The following DPH6 variants were observed in gnomAD, a reference collection of about 807,000 sequenced individuals.
DPH6 encodes the protein diphthamine biosynthesis 6.
DPH6 carries 33 observed loss-of-function variants against 38.2 expected under a neutral mutation model. That is an observed-to-expected ratio of 0.86 (90% CI 0.65 to 1.15). The LOEUF is 1.15. Among genes scored for constraint, DPH6 ranks in the 50% most tolerant of loss-of-function variants. The pLI, the probability that DPH6 is intolerant of heterozygous loss-of-function variation, is 0.00. For missense variants in DPH6, 325 were observed against 320.0 expected (o/e 1.02, Z -0.12); for synonymous variants, 108 against 103.0 (o/e 1.05, Z -0.30).
At chr15:35,384,841 G>A (rs2052926447) in intron 6 of DPH6, among the ~76,000 whole-genome samples, 1 of 151,812 alleles carries the variant, frequency 6.6e-6, no homozygotes, top group Admixed American at 6.6e-5. Flanking sequence ...GCAACCTACA[G>A]AATGGGAGAA....
At chr15:35,455,610 AG>A (rs1386744685) in intron 3 of DPH6, among the ~76,000 whole-genome samples, 1 of 152,220 alleles carries the variant, frequency 6.6e-6, no homozygotes, top group African/African-American at 2.4e-5. Context: ...GACAGGTCCA[AG>A]GTGAGATTTA....
chr15:35,469,341 T>C (rs2054168375), intron 3 of DPH6, among the ~76,000 whole-genome samples: 1 of 152,220 alleles, frequency 6.6e-6, no homozygotes, highest in African/African-American at 2.4e-5. Context: ...GACATTGTTG[T>C]ATAGCTGAAC....
At chr15:35,427,272 T>C (rs2053581422) in intron 5 of DPH6, among the ~76,000 whole-genome samples, 1 of 151,892 alleles carries the variant, frequency 6.6e-6, no homozygotes, top group South Asian at 2.1e-4. Flanking sequence ...AGCAATCTCC[T>C]AGGAGGAAAT....
At chr15:35,504,449 C>G (rs2054667482) in intron 3 of DPH6, among the ~76,000 whole-genome samples, 1 of 151,824 alleles carries the variant, frequency 6.6e-6, no homozygotes, top group Non-Finnish European at 1.5e-5. Flanking sequence ...CCAGGTAAAA[C>G]TGATCTCTTT....
chr15:35,298,587 T>C, intron 3 of DPH6: 1 of 805,934 alleles, frequency 1.2e-6, no homozygotes, highest in East Asian at 2.4e-5. Flanking sequence ...TCTGACTTCT[T>C]GGATGCATCT....
intron 3 of DPH6, among the ~76,000 whole-genome samples, chr15:35,232,623 A>T (rs898329204): frequency 2.6e-5 from 4 of 151,818 alleles, no homozygotes; most frequent in Middle Eastern, 3.2e-3. Context: ...AAACAACAAC[A>T]ATATATATAT....
chr15:35,520,237 A>AAC, intron 3 of DPH6: 2 of 812,792 alleles, frequency 2.5e-6, no homozygotes, highest in Non-Finnish European at 2.9e-6. Context: ...AAACAAAAAA[A>AAC]AAACAAAAGA....
At position 35,246,180 on chromosome 15, in the gene DPH6, C is replaced by T. The variant is rs374591785; in HGVS notation, n.201-25598G>A. ...TGACTCTCTTTTCGGACTCAGCCCACCTGCACCCAGGTGATTAAAAAGCTT... is the reference window on the plus strand; with the variant it reads ...TGACTCTCTTTTCGGACTCAGCCCATCTGCACCCAGGTGATTAAAAAGCTT... On this transcript the variant is annotated intron_variant and non_coding_transcript_variant, in intron 3 of 3. Coordinates refer to the DPH6 transcript ENST00000560386. 1.4e-4 allele frequency among the ~76,000 whole-genome samples: 21 copies of T among 152,306 alleles called. No homozygotes were observed. The East Asian group carries it at 4.1e-3, about 29-fold the overall frequency.
At chr15:35,236,572 G>A (rs960403565) in intron 3 of DPH6, among the ~76,000 whole-genome samples, 56 of 151,686 alleles carry the variant, frequency 3.7e-4, no homozygotes, top group African/African-American at 1.3e-3. Context: ...CTGGGAGGTG[G>A]AGCTTGCAGT....
chr15:35,234,124 T>C lies in DPH6; in HGVS notation n.201-13542A>G, dbSNP rs1225460029. 2.0e-5 allele frequency among the ~76,000 whole-genome samples: 3 copies of C among 152,320 alleles called. No homozygotes were observed. The East Asian group carries it at 5.8e-4, about 29-fold the overall frequency. ...TATGGGGTACTTACTATTTGTTGAG[T>C]GAATGCATGAAGAAATGGCTAGGAA... is the stretch of plus-strand genomic sequence containing the variant. On this transcript the variant is annotated intron_variant and non_coding_transcript_variant, in intron 3 of 3. Transcript: ENST00000560386.
At chr15:35,180,884 T>C in the DPH6 span, among the ~76,000 whole-genome samples, 1 of 152,224 alleles carries the variant, frequency 6.6e-6, no homozygotes, top group East Asian at 1.9e-4. Context: ...CAAAGTGAAA[T>C]AGGCATTGAA....
At chr15:35,425,656 T>C (rs2053559331) in intron 5 of DPH6, among the ~76,000 whole-genome samples, 1 of 132,928 alleles carries the variant, frequency 7.5e-6, no homozygotes, top group Non-Finnish European at 1.6e-5. Context: ...ATATAAGATA[T>C]ATATGGAAGT....
intron 3 of DPH6, among the ~76,000 whole-genome samples, chr15:35,492,940 A>T (rs559950232): frequency 6.6e-6 from 1 of 152,216 alleles, no homozygotes; most frequent in Admixed American, 6.5e-5. Flanking sequence ...GGTTTACTAG[A>T]CACAAGACAG....
rs546959905 is a variant in DPH6 at position 35,479,872 on chromosome 15, A to G, written c.313-25052T>C. Among the ~76,000 whole-genome samples the G allele has an allele frequency of 5.9e-5, 9 of 152,298 alleles. No homozygotes were observed. In the South Asian group the frequency reaches 1.2e-3, roughly 21 times the overall value. On this transcript the variant is annotated intron_variant, in intron 3 of 8. Coordinates refer to ENST00000256538, the MANE Select transcript of DPH6 (RefSeq NM_080650.4). ...TCTAATTGAAAAGAACATTATCAAA[A>G]GCATTTCGATTAGACAATATAATTA... is the stretch of plus-strand genomic sequence containing the variant.
At chr15:35,293,755 AGGT>A (rs930837903) in intron 3 of DPH6, among the ~76,000 whole-genome samples, 2 of 152,228 alleles carry the variant, frequency 1.3e-5, no homozygotes, top group Non-Finnish European at 2.9e-5. Flanking sequence ...AAACGCACAG[AGGT>A]GGTGGATGTG....
chr15:35,407,024 AT>A (rs891507548), intron 6 of DPH6, among the ~76,000 whole-genome samples: 1 of 151,998 alleles, frequency 6.6e-6, no homozygotes, highest in Non-Finnish European at 1.5e-5. Flanking sequence ...ACTCAGAAAG[AT>A]TTCAGGAGTG....
At position 35,371,725 on chromosome 15, in the gene DPH6, C is replaced by T. The variant is rs2052715186; in HGVS notation, c.*425G>A. On this transcript the variant is annotated 3_prime_UTR_variant, in exon 9 of 9. Transcript: ENST00000256538. ...CTTTGGCGACACCCAGTAGAATAAGCTTGACTGGCTAAATAAAGTGACCAT... is the reference window on the plus strand; with the variant it reads ...CTTTGGCGACACCCAGTAGAATAAGTTTGACTGGCTAAATAAAGTGACCAT... 1 of 987,144 alleles carries T rather than the reference C, an allele frequency of 1.0e-6. No individual in the cohort carries two copies. 61.1% of individuals were successfully genotyped at this position (987,144 alleles called of 1,614,324 possible). A position where few individuals can be genotyped will look rare whatever the true frequency, so the allele number is the denominator to read the frequency against.
intron 3 of DPH6, among the ~76,000 whole-genome samples, chr15:35,476,355 G>C (rs2054263674): frequency 6.6e-6 from 1 of 151,700 alleles, no homozygotes; most frequent in South Asian, 2.1e-4. Context: ...TGGAAAAACA[G>C]AAGAACTGAG....
At chr15:35,501,148 T>C (rs2054621677) in intron 3 of DPH6, among the ~76,000 whole-genome samples, 1 of 152,236 alleles carries the variant, frequency 6.6e-6, no homozygotes, top group African/African-American at 2.4e-5. Flanking sequence ...TCCCATCTCA[T>C]CGAAATTTCT....
Sources: allele counts gnomAD v4.1 joint callset (sites outside exome capture counted in the v4.1 genomes callset), GRCh38; gene constraint gnomAD v4.1.1; transcripts MANE v1.5; gene names NCBI Gene and HGNC (gene_info 2026-07-23, HGNC 2026-07-21).